CFAP77: variants seen among roughly 807,000 people sequenced by gnomAD.
CFAP77 encodes cilia- and flagella-associated protein 77.
CFAP77 carries 25 observed loss-of-function variants against 31.1 expected under a neutral mutation model. The ratio of observed to expected loss-of-function variants is 0.80; its 90% CI spans 0.59 to 1.12. The LOEUF (loss-of-function observed/expected upper bound fraction) is 1.12. Ranked by LOEUF, CFAP77 falls within the 50% of genes most tolerant of loss-of-function variation. The pLI, the probability that CFAP77 is intolerant of heterozygous loss-of-function variation, is 0.00. For synonymous variants in CFAP77, 151 were observed against 159.9 expected, an observed-to-expected ratio of 0.94 and a Z score of 0.42; for missense variants, 377 against 397.3, an observed-to-expected ratio of 0.95 and a Z score of 0.44.
intron 1 of CFAP77, among the ~76,000 whole-genome samples, chr9:132,478,080 T>G (rs1564219047): frequency 6.6e-6 from 1 of 152,138 alleles, no homozygotes; most frequent in African/African-American, 2.4e-5. Context: ...TGGCTCTGTG[T>G]CCCCACCCAA....
chr9:132,503,784 C>T (rs371704974), intron 3 of CFAP77, among the ~76,000 whole-genome samples: 26 of 152,274 alleles, frequency 1.7e-4, no homozygotes, highest in African/African-American at 5.1e-4. Flanking sequence ...TGCAGTGGCT[C>T]ACGCCTGTAA....
At chr9:132,551,539 G>A (rs1214043254) in intron 5 of CFAP77, among the ~76,000 whole-genome samples, 2 of 151,950 alleles carry the variant, frequency 1.3e-5, no homozygotes, top group African/African-American at 4.8e-5. Flanking sequence ...CCAGTGATCC[G>A]CCCACCTTGG....
intron 1 of CFAP77, among the ~76,000 whole-genome samples, chr9:132,425,546 C>T (rs576658666): frequency 2.0e-5 from 3 of 152,154 alleles, no homozygotes; most frequent in African/African-American, 4.8e-5. Context: ...CCTTTGGGGA[C>T]GTGAAGGTGC....
rs2118994485 is a variant in CFAP77 at position 132,511,490 on chromosome 9, C to T, written c.524+11890C>T. 6.6e-6 allele frequency among the ~76,000 whole-genome samples: 1 copy of T among 152,312 alleles called. No homozygotes were observed. The highest frequency in any genetic ancestry group is 1.9e-4 in the East Asian group (1 of 5,174). On this transcript the variant is annotated intron_variant, in intron 3 of 5. Coordinates refer to ENST00000393216, the MANE Select transcript of CFAP77 (RefSeq NM_001282957.2). This position sits in a 1 kb window ranked among gnomAD's most constrained non-coding sequence, Gnocchi z 5.8. ...GTTGCCCACTCCTCCTTCCCCAGTG[C>T]CAAGCATGTGCCTGCCTGGAATGTT...
intron 5 of CFAP77, among the ~76,000 whole-genome samples, chr9:132,555,701 G>T (rs1852892077): frequency 6.6e-6 from 1 of 152,102 alleles, no homozygotes; most frequent in African/African-American, 2.4e-5. Context: ...AAGAGTGGAG[G>T]CTTAGGAAGG....
chr9:132,452,563 G>C (rs1362674341), intron 1 of CFAP77, among the ~76,000 whole-genome samples: 2 of 152,168 alleles, frequency 1.3e-5, no homozygotes. Context: ...CTCTGAAGAA[G>C]GTGGCTTTTC....
chr9:132,572,719 C>T lies in CFAP77; in HGVS notation c.*209C>T, dbSNP rs145904363. The T allele has an allele frequency of 1.8e-6, 1 of 563,444 alleles. No homozygotes were observed. The highest frequency in any genetic ancestry group is 2.3e-5 in the South Asian group (1 of 42,808). 34.9% of individuals were successfully genotyped at this position (563,444 alleles called of 1,614,324 possible). A position where few individuals can be genotyped will look rare whatever the true frequency, so the allele number is the denominator to read the frequency against. ...TAGTCTCCACTTAGCCCCAGTGACC[C>T]TCTACCTGGAGCCTCCTCCTCTCCT... On this transcript the variant is annotated 3_prime_UTR_variant, in exon 6 of 6. Transcript: ENST00000393216.
At chr9:132,504,127 GAAGTT>G (rs1442441783) in intron 3 of CFAP77, among the ~76,000 whole-genome samples, 1 of 152,216 alleles carries the variant, frequency 6.6e-6, no homozygotes, top group Non-Finnish European at 1.5e-5. Flanking sequence ...AAAATAGAAA[GAAGTT>G]AAGAGAGGTG....
intron 1 of CFAP77, among the ~76,000 whole-genome samples, chr9:132,484,183 C>T (rs562806473): frequency 6.6e-6 from 1 of 152,202 alleles, no homozygotes; most frequent in East Asian, 1.9e-4. Flanking sequence ...AGTGATCTGC[C>T]CGCCTCAGCC....
intron 5 of CFAP77, among the ~76,000 whole-genome samples, chr9:132,550,300 A>G (rs986699469): frequency 6.6e-6 from 1 of 152,224 alleles, no homozygotes; most frequent in African/African-American, 2.4e-5. Context: ...GATGAGTAAG[A>G]CAGCTGGTTT....
intron 1 of CFAP77, among the ~76,000 whole-genome samples, chr9:132,439,678 T>C (rs547028789): frequency 6.6e-5 from 10 of 151,324 alleles, no homozygotes; most frequent in Admixed American, 2.6e-4. Flanking sequence ...AACCCTGTCT[T>C]TACTAAAAAA....
chr9:132,518,013 C>T (rs1272424647), intron 3 of CFAP77, among the ~76,000 whole-genome samples: 1 of 152,072 alleles, frequency 6.6e-6, no homozygotes, highest in African/African-American at 2.4e-5. Context: ...TGGGCGCGTC[C>T]GGTGGTGAGA....
Position 132,501,459 on chromosome 9 carries a change from C to T in CFAP77, c.524+1859C>T, listed in dbSNP as rs181935529. On this transcript the variant is annotated intron_variant, in intron 3 of 5. Transcript: ENST00000393216. This position sits in a 1 kb window ranked among gnomAD's most constrained non-coding sequence, Gnocchi z 4.6. ...TGTCCCCCAGGCTGGAGTGCAGTGG[C>T]GCAGTCTCAGCTCACTGCAACCTCT... 6.6e-4 allele frequency among the ~76,000 whole-genome samples: 99 copies of T among 149,994 alleles called. No individual in the cohort carries two copies. Among genetic ancestry groups the T allele is most frequent in the African/African-American group, 2.1e-3 (86 of 40,538 alleles).
intron 5 of CFAP77, among the ~76,000 whole-genome samples, chr9:132,548,286 G>GGGGGGGGGGGGGGGCCCCCC: frequency 7.8e-6 from 1 of 129,002 alleles, no homozygotes; most frequent in East Asian, 2.6e-4. Flanking sequence ...GGGGGGTGGG[G>GGGGGGGGGGGGGGGCCCCCC]GGTGAAGCTG....
intron 1 of CFAP77, among the ~76,000 whole-genome samples, chr9:132,417,974 C>G (rs966588202): frequency 5.9e-5 from 9 of 152,200 alleles, no homozygotes; most frequent in African/African-American, 1.9e-4. Flanking sequence ...GTGAAACCAT[C>G]CAATTTCTAG....
At chr9:132,562,632 C>T (rs1385466606) in intron 5 of CFAP77, among the ~76,000 whole-genome samples, 2 of 152,190 alleles carry the variant, frequency 1.3e-5, no homozygotes, top group Non-Finnish European at 2.9e-5. Context: ...ATCCACCTGT[C>T]CACTGCAGTA....
chr9:132,475,643 C>G (rs899363433), intron 1 of CFAP77, among the ~76,000 whole-genome samples: 2 of 152,348 alleles, frequency 1.3e-5, no homozygotes, highest in African/African-American at 4.8e-5. Flanking sequence ...TGGCAGCTTT[C>G]CCTACATCCA....
chr9:132,476,250 G>T (rs752569631), intron 1 of CFAP77, among the ~76,000 whole-genome samples: 2 of 152,042 alleles, frequency 1.3e-5, no homozygotes, highest in African/African-American at 4.8e-5. Flanking sequence ...ACACCCTCAA[G>T]ATTGACTATC....
intron 1 of CFAP77, among the ~76,000 whole-genome samples, chr9:132,462,666 A>G (rs1426521897): frequency 6.6e-6 from 1 of 152,104 alleles, no homozygotes; most frequent in African/African-American, 2.4e-5. Context: ...ATAGAAAAAA[A>G]TTACCCAGGC....
Sources: allele counts gnomAD v4.1 joint callset (sites outside exome capture counted in the v4.1 genomes callset), GRCh38; gene constraint gnomAD v4.1.1; non-coding constraint Gnocchi (gnomAD v3.1); transcripts MANE v1.5; gene names NCBI Gene and HGNC (gene_info 2026-07-23, HGNC 2026-07-21).